The following SLC25A36 variants were observed in gnomAD, a reference collection of about 807,000 sequenced individuals.
SLC25A36 encodes the protein epididymis secretory sperm binding protein.
In SLC25A36, 24 loss-of-function variants were observed where a neutral mutation model predicts 35.3. The ratio of observed to expected loss-of-function variants is 0.68; its 90% CI spans 0.49 to 0.96. The LOEUF (loss-of-function observed/expected upper bound fraction) is 0.96. Ranked by LOEUF, SLC25A36 falls within the 40% of genes least tolerant of loss-of-function variation. The probability of loss-of-function intolerance (pLI) is 0.00; values close to 1 mark genes in which losing one functional copy is unlikely to be tolerated. For synonymous variants in SLC25A36, 141 were observed against 132.2 expected, an observed-to-expected ratio of 1.07 and a Z score of -0.46; for missense variants, 294 against 381.1, an observed-to-expected ratio of 0.77 and a Z score of 1.90.
chr3:140,941,886 T>G lies in SLC25A36; in HGVS notation c.-169T>G. 2.0e-6 allele frequency: 1 copy of G among 499,910 alleles called. No homozygotes were observed. The highest frequency in any genetic ancestry group is 3.6e-6 in the Non-Finnish European group (1 of 278,684). The allele number at this position is 499,910 out of a possible 1,614,324, so 31.0% of individuals were successfully genotyped here. ...TAGGCAGGCGGTGGCGCGGCTGGAG[T>G]GCCGCGGGGAGGGCTGTGCCGGTTG... On this transcript the variant is annotated 5_prime_UTR_variant, in exon 1 of 7. Coordinates refer to ENST00000324194, the MANE Select transcript of SLC25A36 (RefSeq NM_001104647.3).
intron 3 of SLC25A36, among the ~76,000 whole-genome samples, chr3:140,961,648 G>A (rs1337900611): frequency 6.6e-6 from 1 of 151,902 alleles, no homozygotes; most frequent in African/African-American, 2.4e-5. Flanking sequence ...AAGGTCAGGA[G>A]ATCGAGACCA....
chr3:140,949,388 C>G (rs1934255596), intron 1 of SLC25A36, among the ~76,000 whole-genome samples: 1 of 152,098 alleles, frequency 6.6e-6, no homozygotes, highest in South Asian at 2.1e-4. Context: ...TACAATTTGG[C>G]AAACATCATT....
chr3:140,942,340 C>G, intron 1 of SLC25A36: 3 of 403,638 alleles, frequency 7.4e-6, no homozygotes, highest in Non-Finnish European at 1.3e-5. Context: ...GAGGCCCGGG[C>G]AAAGAGGGTT....
intron 6 of SLC25A36, among the ~76,000 whole-genome samples, chr3:140,975,476 CA>C (rs1433486619): frequency 2.6e-5 from 4 of 152,044 alleles, no homozygotes; most frequent in Non-Finnish European, 5.9e-5. Context: ...TAAATAGTTA[CA>C]ATTGCTGTGG....
At position 140,980,091 on chromosome 3, in the gene SLC25A36, T is replaced by C. The variant is rs1393943768; in HGVS notation, c.*3638T>C. On this transcript the variant is annotated 3_prime_UTR_variant, in exon 7 of 7. Transcript: ENST00000324194. Reference sequence around the variant, plus strand: ...TCAGCAAACCTTATCTTGAGCACTTTGTATCTGTTAGATCTAGTGATGTCT... The same window carrying C: ...TCAGCAAACCTTATCTTGAGCACTTCGTATCTGTTAGATCTAGTGATGTCT... Among the ~76,000 whole-genome samples the C allele has an allele frequency of 5.3e-5, 8 of 152,232 alleles. No individual in the cohort carries two copies. Among genetic ancestry groups the C allele is most frequent in the Admixed American group, 5.2e-4 (8 of 15,280 alleles).
chr3:140,961,511 G>A (rs1934625138), intron 3 of SLC25A36, among the ~76,000 whole-genome samples: 1 of 151,780 alleles, frequency 6.6e-6, no homozygotes, highest in Admixed American at 6.6e-5. Flanking sequence ...TTTTTAGGAT[G>A]GTCACCTAAA....
At chr3:140,957,957 C>T (rs951303917) in intron 2 of SLC25A36, among the ~76,000 whole-genome samples, 1 of 152,030 alleles carries the variant, frequency 6.6e-6, no homozygotes, top group African/African-American at 2.4e-5. Context: ...TGTTTTAGTT[C>T]CGAAGTTTTT....
Position 140,976,352 on chromosome 3 carries a change from T to G in SLC25A36, c.835T>G (p.Ser279Ala). 6.2e-7 allele frequency: 1 copy of G among 1,613,874 alleles called. No homozygotes were observed. Among genetic ancestry groups the G allele is most frequent in the Non-Finnish European group, 8.5e-7 (1 of 1,179,872 alleles). Residue 279 changes from serine to alanine, a missense_variant, in exon 7 of 7, where the codon TCT (serine) becomes GCT (alanine). Coordinates refer to ENST00000324194, the MANE Select transcript of SLC25A36 (RefSeq NM_001104647.3). ...SLLVQEEGYG[S>A]LYRGLTTHLV... ...GCTTGTTCAAGAAGAAGGTTATGGG[T>G]CTCTTTATCGTGGTCTGACAACTCA...
intron 3 of SLC25A36, among the ~76,000 whole-genome samples, chr3:140,960,921 G>C (rs1333602211): frequency 6.6e-6 from 1 of 152,210 alleles, no homozygotes; most frequent in Non-Finnish European, 1.5e-5. Flanking sequence ...AAACCAAACA[G>C]ATAGAATGGT....
chr3:140,977,907 A>G lies in SLC25A36; in HGVS notation c.*1454A>G. The G allele has an allele frequency of 6.6e-6, 1 of 151,866 alleles. No homozygotes were observed. The highest frequency in any genetic ancestry group is 2.4e-5 in the African/African-American group (1 of 41,346). 9.4% of individuals were successfully genotyped at this position (151,866 alleles called of 1,614,324 possible). A position where few individuals can be genotyped will look rare whatever the true frequency, so the allele number is the denominator to read the frequency against. On this transcript the variant is annotated 3_prime_UTR_variant, in exon 7 of 7. Transcript: ENST00000324194. ...TTTTTGGGGGGGAGGGTGAGAGAGT[A>G]GGAGAGAATACCATGTTAAGATTAA...
At position 140,942,001 on chromosome 3, in the gene SLC25A36, G is replaced by C; in HGVS notation, c.-54G>C. ...CGGGACCGAAGCCGCCTGCCGTAGC[G>C]GGCGGCCAGATCCGCGTCCCGCCTC... is the stretch of plus-strand genomic sequence containing the variant. On this transcript the variant is annotated 5_prime_UTR_variant, in exon 1 of 7. Coordinates refer to ENST00000324194, the MANE Select transcript of SLC25A36 (RefSeq NM_001104647.3). 3 of 988,664 alleles carry C rather than the reference G, an allele frequency of 3.0e-6. No homozygotes were observed. The highest frequency in any genetic ancestry group is 4.6e-6 in the Non-Finnish European group (3 of 647,254). 61.2% of individuals were successfully genotyped at this position (988,664 alleles called of 1,614,324 possible).
chr3:140,974,098 A>G, intron 6 of SLC25A36, 93 bp downstream of exon 6: 4 of 830,878 alleles, frequency 4.8e-6, no homozygotes, highest in South Asian at 2.0e-5. Flanking sequence ...GCATTCTGGT[A>G]TAACAAAATA....
chr3:140,968,416 G>C (rs1576486488), intron 4 of SLC25A36: 1 of 973,822 alleles, frequency 1.0e-6, no homozygotes. Context: ...ATAGCTTACT[G>C]ATAATAGCAA....
intron 1 of SLC25A36, among the ~76,000 whole-genome samples, chr3:140,948,073 C>T (rs1469863743): frequency 2.6e-5 from 4 of 152,212 alleles, no homozygotes; most frequent in African/African-American, 9.7e-5. Flanking sequence ...CTTGCCTCAG[C>T]CTCCCAAGTA....
intron 3 of SLC25A36, among the ~76,000 whole-genome samples, chr3:140,962,188 T>C (rs1180856595): frequency 6.6e-6 from 1 of 152,296 alleles, no homozygotes; most frequent in Non-Finnish European, 1.5e-5. Flanking sequence ...TTTTTCTTTC[T>C]CATAAATTAG....
rs201739001 is a variant in SLC25A36, at chr3:140,948,008, C to CAG, written c.41+5914_41+5915dup. On this transcript the variant is annotated intron_variant, in intron 1 of 6. Coordinates refer to ENST00000324194, the MANE Select transcript of SLC25A36 (RefSeq NM_001104647.3). The stretch of plus-strand genomic sequence containing the variant: ...CACTCTTGTTGCCCAGGCTGGAGTG[C>CAG]AGTGGCACGATCTCGGCTCACTGCA... Among the ~76,000 whole-genome samples the CAG allele has an allele frequency of 2.4e-4, 36 of 152,280 alleles. 1 individual carries two copies. In the East Asian group the frequency reaches 6.6e-3, roughly 28 times the overall value.
chr3:140,951,866 C>G (rs1934335783), intron 1 of SLC25A36, among the ~76,000 whole-genome samples: 1 of 152,058 alleles, frequency 6.6e-6, no homozygotes, highest in Admixed American at 6.6e-5. Context: ...CAGGGTCTCA[C>G]TCTTTGGCCT....
intron 4 of SLC25A36, chr3:140,964,682 G>T (rs1934715177): frequency 6.6e-6 from 1 of 151,696 alleles, no homozygotes; most frequent in African/African-American, 2.4e-5. Flanking sequence ...TATGTTTTTG[G>T]CTTATAACCT....
chr3:140,968,041 A>G (rs888972033), intron 4 of SLC25A36: 4 of 984,770 alleles, frequency 4.1e-6, no homozygotes, highest in Non-Finnish European at 3.6e-6. Context: ...TGTTTGTCAT[A>G]TAAGTAGTGG....
Sources: allele counts gnomAD v4.1 joint callset (sites outside exome capture counted in the v4.1 genomes callset), GRCh38; gene constraint gnomAD v4.1.1; transcripts MANE v1.5; gene names NCBI Gene and HGNC (gene_info 2026-07-23, HGNC 2026-07-21).